TTC29: variants seen among roughly 807,000 people sequenced by gnomAD.
TTC29 encodes the protein tetratricopeptide repeat protein 29.
Under a neutral mutation model 58.1 loss-of-function variants are expected in TTC29, and 49 were observed. That is an observed-to-expected ratio of 0.84 (90% CI 0.67 to 1.07). The LOEUF is 1.07. Among genes scored for constraint, TTC29 ranks in the 50% least tolerant of loss-of-function variants. TTC29 has a pLI of 0.00. For synonymous variants in TTC29, 209 were observed against 196.8 expected, an observed-to-expected ratio of 1.06 and a Z score of -0.52; for missense variants, 582 against 555.6, an observed-to-expected ratio of 1.05 and a Z score of -0.48.
chr4:146,929,900 A>C (rs1735190494), intron 4 of TTC29, among the ~76,000 whole-genome samples: 1 of 151,886 alleles, frequency 6.6e-6, no homozygotes, highest in Non-Finnish European at 1.5e-5. Context: ...TTTAAAGAGA[A>C]GCACTTAAAA....
intron 11 of TTC29, among the ~76,000 whole-genome samples, chr4:146,735,197 G>T (rs895804546): frequency 2.0e-5 from 3 of 152,044 alleles, no homozygotes; most frequent in Non-Finnish European, 2.9e-5. Context: ...GCAAAATGAT[G>T]CAGGGACAAC....
intron 11 of TTC29, among the ~76,000 whole-genome samples, chr4:146,800,850 C>G (rs531975460): frequency 2.6e-5 from 4 of 152,080 alleles, no homozygotes; most frequent in Non-Finnish European, 5.9e-5. Context: ...CTTAATCAGG[C>G]AGTTAAGGCG....
At chr4:146,864,504 G>T (rs1561200187) in intron 8 of TTC29, among the ~76,000 whole-genome samples, 1 of 152,130 alleles carries the variant, frequency 6.6e-6, no homozygotes, top group Non-Finnish European at 1.5e-5. Context: ...CTATGTATTA[G>T]TTCTCTAAGG....
intron 5 of TTC29, among the ~76,000 whole-genome samples, chr4:146,904,071 T>C (rs1179525383): frequency 6.6e-6 from 1 of 152,156 alleles, no homozygotes; most frequent in Admixed American, 6.5e-5. Flanking sequence ...GATTATGTAG[T>C]TTCATTGAGT....
At chr4:146,894,166 A>T (rs558320720) in intron 6 of TTC29, among the ~76,000 whole-genome samples, 1 of 152,070 alleles carries the variant, frequency 6.6e-6, no homozygotes, top group Admixed American at 6.6e-5. Flanking sequence ...TTGACCCAGC[A>T]ATCCCATTAC....
chr4:146,867,939 G>T (rs551332834), intron 7 of TTC29, among the ~76,000 whole-genome samples: 1 of 151,914 alleles, frequency 6.6e-6, no homozygotes, highest in Admixed American at 6.6e-5. Context: ...TTTTATACTA[G>T]TCCAGCATGT....
intron 10 of TTC29, among the ~76,000 whole-genome samples, chr4:146,818,440 G>A (rs552986876): frequency 1.3e-5 from 2 of 152,302 alleles, no homozygotes; most frequent in African/African-American, 4.8e-5. Flanking sequence ...AACAACAGGT[G>A]CTGGAGAAGA....
chr4:146,799,380 AT>A (rs536536466), intron 11 of TTC29, among the ~76,000 whole-genome samples: 2 of 151,716 alleles, frequency 1.3e-5, no homozygotes, highest in Non-Finnish European at 2.9e-5. Context: ...ATTTTTTTTC[AT>A]TTTTTTTAAA....
intron 6 of TTC29, among the ~76,000 whole-genome samples, chr4:146,887,822 A>C (rs1028475012): frequency 6.6e-6 from 1 of 152,104 alleles, no homozygotes; most frequent in Admixed American, 6.6e-5. Flanking sequence ...GATCATAAGC[A>C]CTTATGAACA....
intron 10 of TTC29, among the ~76,000 whole-genome samples, chr4:146,804,086 C>T (rs1458018041): frequency 1.3e-5 from 2 of 152,104 alleles, no homozygotes; most frequent in Non-Finnish European, 2.9e-5. Context: ...GTGGGTGCAG[C>T]CCATGGAGGG....
chr4:146,854,247 AC>A (rs1729694086), intron 8 of TTC29, among the ~76,000 whole-genome samples: 1 of 152,112 alleles, frequency 6.6e-6, no homozygotes, highest in East Asian at 1.9e-4. Context: ...GAAAACCCGA[AC>A]CAAGTCGTCA....
intron 11 of TTC29, among the ~76,000 whole-genome samples, chr4:146,721,503 T>C (rs1431174150): frequency 1.3e-5 from 2 of 152,198 alleles, no homozygotes; most frequent in African/African-American, 4.8e-5. Flanking sequence ...CCTTGCATGA[T>C]GTCTTAGAGC....
intron 11 of TTC29, among the ~76,000 whole-genome samples, chr4:146,729,300 C>T (rs1027233736): frequency 1.3e-5 from 2 of 152,126 alleles, no homozygotes; most frequent in Admixed American, 6.6e-5. Context: ...TAAAGTTCAG[C>T]ATTTTTCACA....
intron 10 of TTC29, among the ~76,000 whole-genome samples, chr4:146,808,988 ACTACAAGG>A (rs1750822309): frequency 6.6e-6 from 1 of 151,922 alleles, no homozygotes; most frequent in Non-Finnish European, 1.5e-5. Context: ...TTCAAACTAT[ACTACAAGG>A]CTACAGTAAC....
intron 11 of TTC29, among the ~76,000 whole-genome samples, chr4:146,780,028 G>C (rs1333126519): frequency 6.6e-6 from 1 of 152,074 alleles, no homozygotes; most frequent in Non-Finnish European, 1.5e-5. Context: ...TGAGAGTCTA[G>C]ATCTGCAGAG....
At chr4:146,862,399 T>C (rs1730293568) in intron 8 of TTC29, among the ~76,000 whole-genome samples, 1 of 152,032 alleles carries the variant, frequency 6.6e-6, no homozygotes, top group African/African-American at 2.4e-5. Flanking sequence ...ATGTTGAAAT[T>C]TGCAAGCAGA....
At chr4:146,743,848 C>A (rs1253157156) in intron 11 of TTC29, among the ~76,000 whole-genome samples, 1 of 152,210 alleles carries the variant, frequency 6.6e-6, no homozygotes, top group Non-Finnish European at 1.5e-5. Context: ...CTGGGGTTGA[C>A]CTCAGGAAGA....
intron 4 of TTC29, among the ~76,000 whole-genome samples, chr4:146,915,171 C>T (rs999620224): frequency 1.3e-5 from 2 of 152,142 alleles, no homozygotes; most frequent in Non-Finnish European, 2.9e-5. Flanking sequence ...TTGGAATTCA[C>T]ACCCAGCTCC....
intron 4 of TTC29, 68 bp from the exon 5 acceptor site, chr4:146,909,317 C>T: frequency 8.2e-7 from 1 of 1,218,242 alleles, no homozygotes; most frequent in Non-Finnish European, 1.2e-6. Context: ...TATTTTCATT[C>T]TCTAATAATT....
Sources: allele counts gnomAD v4.1 joint callset (sites outside exome capture counted in the v4.1 genomes callset), GRCh38; gene constraint gnomAD v4.1.1; transcripts MANE v1.5; gene names NCBI Gene and HGNC (gene_info 2026-07-23, HGNC 2026-07-21).